Variants in WNK2 observed in about 807,000 individuals in gnomAD.
The protein encoded by WNK2 is serine/threonine-protein kinase WNK2.
A neutral mutation model predicts 192.1 loss-of-function variants in WNK2; 67 were observed. That is an observed-to-expected ratio of 0.35 (90% CI 0.29 to 0.43). WNK2 has a LOEUF of 0.43. WNK2 is among the 20% of genes least tolerant of loss of function. The pLI, the probability that WNK2 is intolerant of heterozygous loss-of-function variation, is 1.00. For missense variants in WNK2, 2,698 were observed against 3,089.7 expected, an observed-to-expected ratio of 0.87 and a Z score of 3.01; for synonymous variants, 1,439 against 1,393.9, an observed-to-expected ratio of 1.03 and a Z score of -0.72.
At chr9:93,206,264 C>T (rs1053852409) in intron 2 of WNK2, among the ~76,000 whole-genome samples, 3 of 152,144 alleles carry the variant, frequency 2.0e-5, no homozygotes, top group East Asian at 1.9e-4. Flanking sequence ...CCTTTTGAGC[C>T]CTCTGGTGCT....
chr9:93,198,972 C>T (rs576674094), intron 2 of WNK2, among the ~76,000 whole-genome samples: 29 of 152,328 alleles, frequency 1.9e-4, no homozygotes, highest in African/African-American at 6.5e-4. Flanking sequence ...ACTTGTCATC[C>T]TCTCGCTGGC....
At chr9:93,305,460 G>C (rs528618287) in intron 26 of WNK2, among the ~76,000 whole-genome samples, 1 of 152,206 alleles carries the variant, frequency 6.6e-6, no homozygotes, top group Non-Finnish European at 1.5e-5. Flanking sequence ...CTTCGGAGCT[G>C]CTCACCCAGA....
chr9:93,185,457 GGAGGACGAC>G lies in WNK2; in HGVS notation c.538_546del (p.Glu180_Asp182del), dbSNP rs752224318. 3.1e-6 allele frequency: 5 copies of G among 1,612,592 alleles called. No homozygotes were observed. The highest frequency in any genetic ancestry group is 4.2e-6 in the Non-Finnish European group (5 of 1,179,716). ...CTCGCCGGGACGAGCCCGAAGAGGA[GGAGGACGAC>G]GAGGACGACCTCAAGGCCGTGGCCA... On this transcript the variant is annotated inframe_deletion, in exon 2 of 30. Coordinates refer to ENST00000427277, the MANE Select transcript of WNK2 (RefSeq NM_006648.4).
intron 7 of WNK2, among the ~76,000 whole-genome samples, chr9:93,242,107 C>T (rs1357697786): frequency 6.6e-6 from 1 of 152,178 alleles, no homozygotes; most frequent in East Asian, 1.9e-4. Flanking sequence ...TGCCTTGGGC[C>T]AGGGCTCTGC....
At chr9:93,195,978 A>G (rs1831213822) in intron 2 of WNK2, among the ~76,000 whole-genome samples, 1 of 152,094 alleles carries the variant, frequency 6.6e-6, no homozygotes, top group Non-Finnish European at 1.5e-5. Flanking sequence ...GTGGCTGCAG[A>G]AGAGGTGCTA....
At chr9:93,302,376 C>T (rs902066500) in intron 26 of WNK2, among the ~76,000 whole-genome samples, 36 of 152,002 alleles carry the variant, frequency 2.4e-4, no homozygotes, top group African/African-American at 7.7e-4. Flanking sequence ...TCGGGGGTCG[C>T]GCTGCAAGTA....
intron 19 of WNK2, among the ~76,000 whole-genome samples, chr9:93,287,510 G>T (rs774113350): frequency 6.6e-6 from 1 of 152,204 alleles, no homozygotes; most frequent in African/African-American, 2.4e-5. Flanking sequence ...AGGCACCACA[G>T]AATAGAGTAC....
intron 5 of WNK2, among the ~76,000 whole-genome samples, chr9:93,237,978 G>A (rs1346085359): frequency 6.6e-6 from 1 of 152,094 alleles, no homozygotes; most frequent in African/African-American, 2.4e-5. Flanking sequence ...GCTGGTTTAC[G>A]GTGCCTTGTC....
chr9:93,291,002 C>T (rs1199049045), intron 21 of WNK2, among the ~76,000 whole-genome samples: 4 of 152,148 alleles, frequency 2.6e-5, no homozygotes, highest in African/African-American at 7.2e-5. Context: ...GCACATCAGC[C>T]GCAGGCGGGA....
At position 93,257,107 on chromosome 9, in the gene WNK2, C is replaced by T; in HGVS notation, c.2350C>T (p.Pro784Ser). Residue 784 changes from proline (P) to serine (S), a missense_variant, in exon 11 of 30, where the codon CCC (proline) becomes TCC (serine). Transcript: ENST00000427277. The surrounding 1 kb of genome is among the most constrained non-coding windows in gnomAD (Gnocchi z 4.7). ...GAAGCCCCTCCAGATGCCACAGGCG[C>T]CCCTGCAGCCGCTTGCTCAAGTCCC... ...QLKPLQMPQA[P>S]LQPLAQVPPQ... The T allele has an allele frequency of 6.2e-7, 1 of 1,608,956 alleles. No homozygotes were observed. The highest frequency in any genetic ancestry group is 8.5e-7 in the Non-Finnish European group (1 of 1,179,034).
chr9:93,269,708 A>G (rs1281762724), intron 19 of WNK2, among the ~76,000 whole-genome samples: 1 of 152,232 alleles, frequency 6.6e-6, no homozygotes, highest in African/African-American at 2.4e-5. Flanking sequence ...CCTGTGATGT[A>G]GGGGTGCAGG....
rs556896821 is a variant in WNK2, at chr9:93,285,654, G to T, written c.4034-3134G>T. Among the ~76,000 whole-genome samples the T allele has an allele frequency of 7.2e-5, 11 of 152,316 alleles. No individual in the cohort carries two copies. In the South Asian group the frequency reaches 2.1e-3, roughly 29 times the overall value. On this transcript the variant is annotated intron_variant, in intron 19 of 29. Transcript: ENST00000427277. ...TAAACACTTCTTCCCAAACAGATCT[G>T]CAGATTCAGATTCTAACAATTTCTA...
At position 93,261,809 on chromosome 9, in the gene WNK2, C is replaced by T; in HGVS notation, c.3067-5C>T. The T allele has an allele frequency of 6.3e-7, 1 of 1,584,128 alleles. No individual in the cohort carries two copies. The highest frequency in any genetic ancestry group is 1.1e-5 in the South Asian group (1 of 90,358). ...TGACTTGCACCTTGTCCCCTGTGCC[C>T]CCAGATTCTGCTTGGCCACCCAGCT... On this transcript the variant is annotated splice_polypyrimidine_tract_variant and splice_region_variant and intron_variant, in intron 12 of 29. Transcript: ENST00000427277.
rs149243272 is a variant in WNK2 at position 93,299,246 on chromosome 9, G to A, written c.6100G>A (p.Gly2034Arg). 3.4e-5 allele frequency: 53 copies of A among 1,570,906 alleles called. 2 individuals carry two copies. In the South Asian group the frequency reaches 4.4e-4, roughly 13 times the overall value. ...CTCCGGCTTAGCCAGTGATGGAGGC[G>A]GAGCGCGTGGCCAAGGTGATTTCCA... ...ICSGLASDGG[G>R]ARGQGWTVYH... The change falls in exon 25 of 30, where the codon GGA (glycine) becomes AGA (arginine). Residue 2034 changes from glycine to arginine, a missense_variant. This residue lies in a region of WNK2 where 1,098 missense variants were observed against 1,101.0 expected (regional missense o/e 1.00). Transcript: ENST00000427277.
At chr9:93,286,653 C>T (rs1016864865) in intron 19 of WNK2, among the ~76,000 whole-genome samples, 6 of 152,238 alleles carry the variant, frequency 3.9e-5, no homozygotes, top group African/African-American at 1.2e-4. Context: ...AGCAATCCCA[C>T]TGCTGGGTAT....
intron 2 of WNK2, among the ~76,000 whole-genome samples, chr9:93,189,052 G>A (rs1323419731): frequency 1.3e-5 from 2 of 152,166 alleles, no homozygotes; most frequent in East Asian, 1.9e-4. Context: ...TTGAGCTGGC[G>A]ACAGGTCCCC....
In WNK2 at chr9:93,311,865, C is replaced by G. The variant is rs1036183574; in HGVS notation, c.6516+3281C>G. On this transcript the variant is annotated intron_variant, in intron 28 of 29. Transcript: ENST00000427277. ...GAACTCCTGACCTCAAGTGATCCAC[C>G]CGCCTCGGCCTCCCAAAGTGCTGGG... Among the ~76,000 whole-genome samples the G allele has an allele frequency of 4.0e-5, 6 of 149,780 alleles. No individual in the cohort carries two copies. The East Asian group carries it at 5.9e-4, about 15-fold the overall frequency.
At chr9:93,251,788 C>T (rs1392658799) in intron 8 of WNK2, among the ~76,000 whole-genome samples, 1 of 152,152 alleles carries the variant, frequency 6.6e-6, no homozygotes, top group Non-Finnish European at 1.5e-5. Context: ...CACGTTCTCC[C>T]CTTCCTCCCC....
At chr9:93,194,085 A>T (rs1248510244) in intron 2 of WNK2, among the ~76,000 whole-genome samples, 2 of 152,224 alleles carry the variant, frequency 1.3e-5, no homozygotes, top group African/African-American at 4.8e-5. Flanking sequence ...CGCAGACCTT[A>T]CACCCCTCAC....
Sources: allele counts gnomAD v4.1 joint callset (sites outside exome capture counted in the v4.1 genomes callset), GRCh38; gene constraint gnomAD v4.1.1; regional missense constraint gnomAD v4.1.1; non-coding constraint Gnocchi (gnomAD v3.1); transcripts MANE v1.5; gene names NCBI Gene and HGNC (gene_info 2026-07-23, HGNC 2026-07-21).